Variants in LIMS1 observed in about 807,000 individuals in gnomAD.
LIMS1 encodes the protein LIM zinc finger domain containing 1.
Under a neutral mutation model 44.1 loss-of-function variants are expected in LIMS1, and 18 were observed. That is an observed-to-expected ratio of 0.41 (90% CI 0.28 to 0.61). LIMS1 has a LOEUF of 0.61. Ranked by LOEUF, LIMS1 falls within the 20% of genes least tolerant of loss-of-function variation. The probability of loss-of-function intolerance (pLI) is 0.32; values close to 1 mark genes in which losing one functional copy is unlikely to be tolerated. For synonymous variants in LIMS1, 93 were observed against 149.1 expected (o/e 0.62, Z 2.74); for missense variants, 201 against 422.0 (o/e 0.48, Z 4.59).
chr2:108,606,864 A>G (rs192263899), intron 1 of LIMS1, among the ~76,000 whole-genome samples: 1 of 152,312 alleles, frequency 6.6e-6, no homozygotes, highest in East Asian at 1.9e-4. Context: ...TGCTGAGTCT[A>G]GGGAAGTGGT....
chr2:108,644,948 G>A (rs1408309607), intron 1 of LIMS1, among the ~76,000 whole-genome samples: 2 of 151,852 alleles, frequency 1.3e-5, no homozygotes, highest in Non-Finnish European at 2.9e-5. Context: ...CAAGATTAGA[G>A]GGAAAAAAGT....
At position 108,534,469 on chromosome 2, in the gene LIMS1, C is replaced by T; in HGVS notation, c.-94C>T. 3.9e-6 allele frequency: 4 copies of T among 1,024,838 alleles called. No individual in the cohort carries two copies. The highest frequency in any genetic ancestry group is 4.9e-6 in the Non-Finnish European group (4 of 815,658). 63.5% of individuals were successfully genotyped at this position (1,024,838 alleles called of 1,614,324 possible). ...CCTCCCCTTCCTGCTCCGGGCCCGC[C>T]AGTAGCCGGCCGCGGCGGCGAGGGA... is the stretch of plus-strand genomic sequence containing the variant. On this transcript the variant is annotated 5_prime_UTR_variant, in exon 1 of 10. Transcript: ENST00000544547.
chr2:108,574,083 G>A (rs995945673), intron 1 of LIMS1, among the ~76,000 whole-genome samples: 3 of 152,062 alleles, frequency 2.0e-5, no homozygotes, highest in Non-Finnish European at 4.4e-5. Flanking sequence ...GGAATGGGAA[G>A]GTGGAATTTA....
At chr2:108,593,102 C>G (rs1489992937) in intron 1 of LIMS1, among the ~76,000 whole-genome samples, 2 of 152,100 alleles carry the variant, frequency 1.3e-5, no homozygotes, top group Admixed American at 1.3e-4. Flanking sequence ...TGAGGGACTT[C>G]CAATCATTCT....
chr2:108,584,562 C>T (rs1686017926), intron 1 of LIMS1, among the ~76,000 whole-genome samples: 1 of 152,006 alleles, frequency 6.6e-6, no homozygotes, highest in Admixed American at 6.6e-5. Flanking sequence ...CCCTGCCCTC[C>T]ACAAGGTTAG....
At chr2:108,629,121 A>C (rs1334062537) in intron 1 of LIMS1, among the ~76,000 whole-genome samples, 1 of 152,136 alleles carries the variant, frequency 6.6e-6, no homozygotes, top group Non-Finnish European at 1.5e-5. Flanking sequence ...TATTGGGAGG[A>C]AATGGTACAT....
intron 2 of LIMS1, chr2:108,660,380 TTGTA>T (rs1691268466): frequency 6.6e-6 from 3 of 453,418 alleles, no homozygotes; most frequent in South Asian, 1.6e-5. Context: ...TGCACTTCCT[TTGTA>T]GTGTATTTGG....
At chr2:108,657,941 G>A (rs1260501136) in intron 1 of LIMS1, 3 of 151,228 alleles carry the variant, frequency 2.0e-5, no homozygotes, top group Admixed American at 6.6e-5. Context: ...AGTGAAGCAA[G>A]TAAGTGGAAC....
intron 1 of LIMS1, among the ~76,000 whole-genome samples, chr2:108,629,871 C>T (rs1263445172): frequency 6.6e-6 from 1 of 152,084 alleles, no homozygotes; most frequent in Non-Finnish European, 1.5e-5. Flanking sequence ...GCTGCAGAGG[C>T]GTCTTGGTTT....
chr2:108,634,788 C>T (rs1689123296), intron 1 of LIMS1, among the ~76,000 whole-genome samples: 2 of 152,260 alleles, frequency 1.3e-5, no homozygotes, highest in Admixed American at 1.3e-4. Context: ...AGTAAAGCTT[C>T]ACAGAAGCCC....
chr2:108,622,514 A>G (rs527433328), intron 1 of LIMS1, among the ~76,000 whole-genome samples: 2 of 152,342 alleles, frequency 1.3e-5, no homozygotes, highest in Admixed American at 1.3e-4. Context: ...GGTAGCATTA[A>G]AGGACTATTA....
intron 1 of LIMS1, among the ~76,000 whole-genome samples, chr2:108,612,071 C>CAT (rs1687688768): frequency 1.4e-5 from 2 of 141,552 alleles, no homozygotes; most frequent in Admixed American, 7.2e-5. Flanking sequence ...TATATATATA[C>CAT]ATATATATAT....
At chr2:108,556,495 C>T (rs1684927577) in intron 1 of LIMS1, among the ~76,000 whole-genome samples, 1 of 152,152 alleles carries the variant, frequency 6.6e-6, no homozygotes, top group Non-Finnish European at 1.5e-5. Context: ...GTTGCTGGAT[C>T]ATATGGTAAT....
chr2:108,574,049 CA>C (rs376574565), intron 1 of LIMS1, among the ~76,000 whole-genome samples: 51 of 151,666 alleles, frequency 3.4e-4, no homozygotes, highest in South Asian at 2.9e-3. Flanking sequence ...TCCCCCCCAC[CA>C]AAAAAAAGTG....
chr2:108,632,868 AC>A (rs1307922200), intron 1 of LIMS1, among the ~76,000 whole-genome samples: 1 of 147,128 alleles, frequency 6.8e-6, no homozygotes, highest in Non-Finnish European at 1.5e-5. Flanking sequence ...CAGTTTACTT[AC>A]AGGCAATCTG....
intron 1 of LIMS1, among the ~76,000 whole-genome samples, chr2:108,610,547 A>G (rs1330901374): frequency 6.6e-6 from 1 of 152,180 alleles, no homozygotes; most frequent in Non-Finnish European, 1.5e-5. Flanking sequence ...ATTTTCTTTT[A>G]TAAGCTGGTC....
intron 1 of LIMS1, among the ~76,000 whole-genome samples, chr2:108,540,380 A>G (rs1380961642): frequency 6.6e-6 from 1 of 151,852 alleles, no homozygotes; most frequent in African/African-American, 2.4e-5. Flanking sequence ...TTGTATTTTT[A>G]GTAAAGACGG....
intron 1 of LIMS1, among the ~76,000 whole-genome samples, chr2:108,556,981 T>C (rs1402399286): frequency 6.6e-6 from 1 of 152,232 alleles, no homozygotes; most frequent in Non-Finnish European, 1.5e-5. Context: ...ACCCCTTCTT[T>C]AAAACAGTTT....
At chr2:108,571,667 G>C (rs1170293979) in intron 1 of LIMS1, among the ~76,000 whole-genome samples, 1 of 152,214 alleles carries the variant, frequency 6.6e-6, no homozygotes, top group Non-Finnish European at 1.5e-5. Context: ...GCTTACTAAT[G>C]CTGTGATAGA....
Sources: gnomAD v4.1 joint callset for allele counts (sites outside exome capture counted in the v4.1 genomes callset) on GRCh38, gnomAD v4.1.1 for gene constraint, MANE v1.5 for transcripts, NCBI Gene and HGNC (gene_info 2026-07-23, HGNC 2026-07-21) for gene names.